Variants in FBXO22 observed in about 807,000 individuals in gnomAD.
FBXO22 encodes F-box only protein 22.
Under a neutral mutation model 37.2 loss-of-function variants are expected in FBXO22, and 13 were observed. That is an observed-to-expected ratio of 0.35 (90% CI 0.23 to 0.56). The LOEUF is 0.56. Ranked by LOEUF, FBXO22 falls within the 20% of genes least tolerant of loss-of-function variation. The pLI is 0.87. For missense variants in FBXO22, 446 were observed against 509.9 expected, an observed-to-expected ratio of 0.87 and a Z score of 1.21; for synonymous variants, 189 against 189.1, an observed-to-expected ratio of 1.00 and a Z score of 0.00.
Position 75,904,053 on chromosome 15 carries a change from G to A in FBXO22, c.90G>A (p.Val30=), listed in dbSNP as rs764155881. 43 of 1,559,632 alleles carry A rather than the reference G, an allele frequency of 2.8e-5. No homozygotes were observed. The South Asian group carries it at 5.0e-4, about 18-fold the overall frequency. Residue 30 remains valine (V), a synonymous_variant, in exon 1 of 7, where the codon GTG becomes GTA. Coordinates refer to ENST00000308275, the MANE Select transcript of FBXO22 (RefSeq NM_147188.3). ...TFVLSNLAEV[V]ERVLTFLPAK... is the part of the protein sequence containing the mutation. ...TGTTGAGTAACCTGGCGGAGGTGGT[G>A]GAGCGTGTGCTCACCTTCCTGCCCG...
intron 5 of FBXO22, among the ~76,000 whole-genome samples, chr15:75,923,984 G>T (rs1050799106): frequency 6.6e-6 from 1 of 152,142 alleles, no homozygotes; most frequent in African/African-American, 2.4e-5. Context: ...TATGTGGCTA[G>T]CGCAGCTGTA....
intron 2 of FBXO22, among the ~76,000 whole-genome samples, chr15:75,912,658 T>G (rs1900087038): frequency 6.6e-6 from 1 of 152,198 alleles, no homozygotes; most frequent in East Asian, 1.9e-4. Context: ...TTCTTTCCTC[T>G]TTTCTTTTTT....
intron 5 of FBXO22, among the ~76,000 whole-genome samples, chr15:75,925,324 G>A (rs951227164): frequency 2.0e-5 from 3 of 152,104 alleles, no homozygotes; most frequent in Non-Finnish European, 2.9e-5. Flanking sequence ...TACTTAGAAC[G>A]GTGCTCTGTA....
At position 75,937,508 on chromosome 15, in the gene FBXO22, C is replaced by CAAAAAAAAAAA; in HGVS notation, c.*4420_*4430dup. ...TGGGCAATGGAGCAAGACTCTGTCT[C>CAAAAAAAAAAA]AAAAAAAAAAAAAAAAAAAAAAAAG... On this transcript the variant is annotated 3_prime_UTR_variant, in exon 7 of 7. Transcript: ENST00000308275. 1.2e-5 allele frequency: 1 copy of CAAAAAAAAAAA among 83,224 alleles called. No homozygotes were observed. Among genetic ancestry groups the CAAAAAAAAAAA allele is most frequent in the Non-Finnish European group, 2.5e-5 (1 of 40,060 alleles). 5.2% of individuals were successfully genotyped at this position (83,224 alleles called of 1,614,324 possible).
rs546891534 is a variant in FBXO22 at position 75,941,386 on chromosome 15, A to G, written c.*8284A>G. 1.7e-4 allele frequency: 26 copies of G among 152,358 alleles called. No homozygotes were observed. The highest frequency in any genetic ancestry group is 6.3e-4 in the African/African-American group (26 of 41,588). The allele number at this position is 152,358 out of a possible 1,614,324, so 9.4% of individuals were successfully genotyped here. A position where few individuals can be genotyped will look rare whatever the true frequency, so the allele number is the denominator to read the frequency against. ...CAGTATGGTGATTTTCCAATTAAAT[A>G]TAGAATTGTCATTTGATTCAGCAAT... On this transcript the variant is annotated 3_prime_UTR_variant, in exon 7 of 7. Transcript: ENST00000308275.
At chr15:75,931,507 G>A (rs1038391571) in intron 6 of FBXO22, among the ~76,000 whole-genome samples, 4 of 152,190 alleles carry the variant, frequency 2.6e-5, no homozygotes, top group Non-Finnish European at 5.9e-5. Flanking sequence ...AGTTTTAAGA[G>A]CAGCAGAGGA....
intron 2 of FBXO22, among the ~76,000 whole-genome samples, chr15:75,909,050 A>G (rs1790583865): frequency 6.6e-6 from 1 of 152,156 alleles, no homozygotes; most frequent in Non-Finnish European, 1.5e-5. Flanking sequence ...TAAGTACTTC[A>G]TTTTATTCTG....
chr15:75,932,313 G>A (rs777442970), intron 6 of FBXO22, among the ~76,000 whole-genome samples: 2 of 152,212 alleles, frequency 1.3e-5, no homozygotes, highest in Non-Finnish European at 2.9e-5. Context: ...AACAATAGCA[G>A]AAGGCTTCGT....
At chr15:75,932,535 C>A in intron 6 of FBXO22, 150 bp from the exon 7 acceptor site, 1 of 635,372 alleles carries the variant, frequency 1.6e-6, no homozygotes, top group Non-Finnish European at 2.6e-6. Flanking sequence ...GATTTTTGAC[C>A]CTATTTTACT....
chr15:75,908,937 T>G (rs1899988607), intron 2 of FBXO22, among the ~76,000 whole-genome samples: 1 of 152,220 alleles, frequency 6.6e-6, no homozygotes, highest in Non-Finnish European at 1.5e-5. Context: ...TTTTATTAGT[T>G]TATCTATGTA....
chr15:75,904,150 TG>T, intron 1 of FBXO22, 47 bp downstream of exon 1: 1 of 1,503,186 alleles, frequency 6.7e-7, no homozygotes. Context: ...GGACACGCCG[TG>T]GGCATGTCCC....
intron 2 of FBXO22, among the ~76,000 whole-genome samples, chr15:75,906,999 AAGGG>A (rs1899943812): frequency 6.6e-6 from 1 of 152,236 alleles, no homozygotes; most frequent in Admixed American, 6.5e-5. Flanking sequence ...AAAGACAAAA[AAGGG>A]AGAGTAGAAA....
At chr15:75,923,926 A>AGAATGTTAGGTGACT (rs2141718815) in intron 5 of FBXO22, among the ~76,000 whole-genome samples, 1 of 152,170 alleles carries the variant, frequency 6.6e-6, no homozygotes, top group East Asian at 1.9e-4. Flanking sequence ...GTGACTGATG[A>AGAATGTTAGGTGACT]GATGTTAGGT....
At chr15:75,904,445 G>A (rs1899874146) in intron 1 of FBXO22, 46 bp from the exon 2 acceptor site, 10 of 1,612,476 alleles carry the variant, frequency 6.2e-6, no homozygotes, top group Non-Finnish European at 8.5e-6. Flanking sequence ...TGGGAGAGAC[G>A]AAAATGAACG....
rs562610763 is a variant in FBXO22, at chr15:75,936,397, T to A, written c.*3295T>A. The stretch of plus-strand genomic sequence containing the variant: ...TATAAAGAATGTGATACCAGAAAGT[T>A]ACTTTAATATTGACCCTATATAGGG... On this transcript the variant is annotated 3_prime_UTR_variant, in exon 7 of 7. Transcript: ENST00000308275. The A allele has an allele frequency of 2.6e-5, 4 of 152,322 alleles. No individual in the cohort carries two copies. The highest frequency in any genetic ancestry group is 4.8e-5 in the African/African-American group (2 of 41,578). 9.4% of individuals were successfully genotyped at this position (152,322 alleles called of 1,614,324 possible). A position where few individuals can be genotyped will look rare whatever the true frequency, so the allele number is the denominator to read the frequency against.
chr15:75,922,138 C>T (rs750928836), intron 5 of FBXO22, among the ~76,000 whole-genome samples: 1 of 152,280 alleles, frequency 6.6e-6, no homozygotes, highest in South Asian at 2.1e-4. Flanking sequence ...TACTTTTATA[C>T]GACTGGCACT....
chr15:75,935,209 T>G lies in FBXO22; in HGVS notation c.*2107T>G, dbSNP rs2030235231. On this transcript the variant is annotated 3_prime_UTR_variant, in exon 7 of 7. Coordinates refer to ENST00000308275, the MANE Select transcript of FBXO22 (RefSeq NM_147188.3). Reference sequence around the variant, plus strand: ...CCAAAGTTAAATCTGTGTAACTCATTTATTACAATTTTGAAAGGCTTGTCT... The same window carrying G: ...CCAAAGTTAAATCTGTGTAACTCATGTATTACAATTTTGAAAGGCTTGTCT... 1 of 152,208 alleles carries G rather than the reference T, an allele frequency of 6.6e-6. No homozygotes were observed. 9.4% of individuals were successfully genotyped at this position (152,208 alleles called of 1,614,324 possible).
At chr15:75,919,336 T>C (rs749768805) in intron 5 of FBXO22, among the ~76,000 whole-genome samples, 1 of 152,200 alleles carries the variant, frequency 6.6e-6, no homozygotes, top group Non-Finnish European at 1.5e-5. Flanking sequence ...ACAAAAATGG[T>C]AACTGTGAGA....
At chr15:75,905,291 A>C (rs1189470172) in intron 2 of FBXO22, among the ~76,000 whole-genome samples, 2 of 152,222 alleles carry the variant, frequency 1.3e-5, no homozygotes, top group African/African-American at 2.4e-5. Context: ...ACCAAAACTT[A>C]AAGCCAAATA....
Sources: gnomAD v4.1 joint callset for allele counts (sites outside exome capture counted in the v4.1 genomes callset) on GRCh38, gnomAD v4.1.1 for gene constraint, MANE v1.5 for transcripts, NCBI Gene and HGNC (gene_info 2026-07-23, HGNC 2026-07-21) for gene names.